Variants in SV2B observed in about 807,000 individuals in gnomAD.
SV2B encodes solute carrier family 22 member B2.
Under a neutral mutation model 73.9 loss-of-function variants are expected in SV2B, and 41 were observed. The observed-to-expected ratio is 0.56, with a 90% confidence interval of 0.43 to 0.72. The LOEUF is 0.72. Among genes scored for constraint, SV2B ranks in the 30% least tolerant of loss-of-function variants. SV2B has a pLI of 0.00. For synonymous variants in SV2B, 314 were observed against 314.2 expected (o/e 1.00, Z 0.01); for missense variants, 764 against 857.8 (o/e 0.89, Z 1.37).
At chr15:91,238,283 A>G (rs1188470890) in intron 2 of SV2B, among the ~76,000 whole-genome samples, 2 of 152,226 alleles carry the variant, frequency 1.3e-5, no homozygotes, top group Non-Finnish European at 2.9e-5. Flanking sequence ...TGTACTAGGT[A>G]TCTTACATTA....
At chr15:91,270,559 G>A (rs2048258239) in intron 9 of SV2B, among the ~76,000 whole-genome samples, 1 of 152,204 alleles carries the variant, frequency 6.6e-6, no homozygotes, top group Non-Finnish European at 1.5e-5. Flanking sequence ...CAGAGGCGCT[G>A]TTTTACATGA....
intron 1 of SV2B, among the ~76,000 whole-genome samples, chr15:91,225,249 C>T (rs897026513): frequency 5.9e-5 from 9 of 152,162 alleles, no homozygotes; most frequent in African/African-American, 2.2e-4. Context: ...ACAGAGTGGC[C>T]TTTGAACCAC....
rs953409026 is a variant in SV2B, at chr15:91,236,156, T to C, written c.451+9442T>C. 7.2e-5 allele frequency among the ~76,000 whole-genome samples: 11 copies of C among 152,260 alleles called. No homozygotes were observed. The highest frequency in any genetic ancestry group is 2.7e-4 in the African/African-American group (11 of 41,476). On this transcript the variant is annotated intron_variant, in intron 2 of 12. Transcript: ENST00000394232. The surrounding 1 kb of genome is among the most constrained non-coding windows in gnomAD (Gnocchi z 4.1). ...CATTCTGTCCACTTTGCCTGCAGAA[T>C]ATCTCCCTTGGCAATGTCACCTTCA...
intron 9 of SV2B, among the ~76,000 whole-genome samples, chr15:91,271,165 G>A (rs1229723395): frequency 6.6e-6 from 1 of 152,226 alleles, no homozygotes; most frequent in African/African-American, 2.4e-5. Context: ...TGTGGATGAT[G>A]GTTAATGAAT....
At chr15:91,162,825 G>GT (rs2043770562) in intron 1 of SV2B, among the ~76,000 whole-genome samples, 1 of 152,106 alleles carries the variant, frequency 6.6e-6, no homozygotes, top group Non-Finnish European at 1.5e-5. Context: ...CAATGTGCAG[G>GT]TTTGTTACAT....
chr15:91,132,541 C>T lies in SV2B; in HGVS notation c.-392+32178C>T, dbSNP rs1285734825. On this transcript the variant is annotated intron_variant, in intron 1 of 12. Coordinates refer to ENST00000394232, the MANE Select transcript of SV2B (RefSeq NM_001323032.3). This position sits in a 1 kb window ranked among gnomAD's most constrained non-coding sequence, Gnocchi z 4.6. ...TTCAGTCTGATTTATTGCAGACAGC[C>T]AATTTTCCATCTGCTCTGCAGAAAA... Among the ~76,000 whole-genome samples the T allele has an allele frequency of 6.6e-6, 1 of 152,210 alleles. No individual in the cohort carries two copies. Among genetic ancestry groups the T allele is most frequent in the African/African-American group, 2.4e-5 (1 of 41,452 alleles).
chr15:91,112,180 G>A (rs932946234), intron 1 of SV2B, among the ~76,000 whole-genome samples: 5 of 152,064 alleles, frequency 3.3e-5, no homozygotes, highest in African/African-American at 1.2e-4. Context: ...GGAGAAGTTT[G>A]GTGAGAAGTA....
chr15:91,149,430 A>C (rs144153151), intron 1 of SV2B, among the ~76,000 whole-genome samples: 78 of 152,332 alleles, frequency 5.1e-4, no homozygotes, highest in Non-Finnish European at 1.0e-3. Flanking sequence ...ATTGATTCTA[A>C]GTCTCAGATG....
chr15:91,120,399 A>C (rs1478633147), intron 1 of SV2B, among the ~76,000 whole-genome samples: 7 of 152,190 alleles, frequency 4.6e-5, no homozygotes, highest in Admixed American at 4.6e-4. Flanking sequence ...CCGTAATCTC[A>C]TCACCTCCCA....
chr15:91,232,911 C>T lies in SV2B; in HGVS notation c.451+6197C>T, dbSNP rs146546213. On this transcript the variant is annotated intron_variant, in intron 2 of 12. Coordinates refer to ENST00000394232, the MANE Select transcript of SV2B (RefSeq NM_001323032.3). The surrounding 1 kb of genome is among the most constrained non-coding windows in gnomAD (Gnocchi z 4.7). ...GTCTATTATTCCCATCTGTATGTCACGAATACCCAATATTTAGCGCTCGCT... is the reference window on the plus strand; with the variant it reads ...GTCTATTATTCCCATCTGTATGTCATGAATACCCAATATTTAGCGCTCGCT... Among the ~76,000 whole-genome samples the T allele has an allele frequency of 2.1e-4, 32 of 152,232 alleles. 1 individual carries two copies. The highest frequency in any genetic ancestry group is 6.3e-4 in the African/African-American group (26 of 41,552).
In SV2B at chr15:91,197,072, C is replaced by G. The variant is rs1346186045; in HGVS notation, c.-391-28801C>G. On this transcript the variant is annotated intron_variant, in intron 1 of 12. Coordinates refer to ENST00000394232, the MANE Select transcript of SV2B (RefSeq NM_001323032.3). This position sits in a 1 kb window ranked among gnomAD's most constrained non-coding sequence, Gnocchi z 4.9. ...TGTGGCAGCCTTTAGCCCATAGATGCTGATCTTTGATGTCAGAAAGACCTG... is the reference window on the plus strand; with the variant it reads ...TGTGGCAGCCTTTAGCCCATAGATGGTGATCTTTGATGTCAGAAAGACCTG... Among the ~76,000 whole-genome samples, 2 of 152,224 alleles carry G rather than the reference C, an allele frequency of 1.3e-5. No individual in the cohort carries two copies. Among genetic ancestry groups the G allele is most frequent in the Non-Finnish European group, 2.9e-5 (2 of 68,036 alleles).
chr15:91,202,192 A>AGC (rs1486691781), intron 1 of SV2B, among the ~76,000 whole-genome samples: 1 of 152,108 alleles, frequency 6.6e-6, no homozygotes, highest in Non-Finnish European at 1.5e-5. Flanking sequence ...ATTTCTGCCT[A>AGC]GCACTCATAT....
rs935105709 is a variant in SV2B at position 91,242,227 on chromosome 15, C to T, written c.452-9592C>T. On this transcript the variant is annotated intron_variant, in intron 2 of 12. Transcript: ENST00000394232. The surrounding 1 kb of genome is among the most constrained non-coding windows in gnomAD (Gnocchi z 4.9). The stretch of plus-strand genomic sequence containing the variant: ...TTGTTCTCCATCACTGGTCTCTCTT[C>T]ATATTCCTGGCCTTTAAATGTTGGA... Among the ~76,000 whole-genome samples, 1 of 152,242 alleles carries T rather than the reference C, an allele frequency of 6.6e-6. No individual in the cohort carries two copies. Among genetic ancestry groups the T allele is most frequent in the Non-Finnish European group, 1.5e-5 (1 of 68,048 alleles).
chr15:91,230,770 G>A (rs1436218196), intron 2 of SV2B, among the ~76,000 whole-genome samples: 2 of 152,196 alleles, frequency 1.3e-5, no homozygotes, highest in African/African-American at 4.8e-5. Flanking sequence ...AGGAGACAAA[G>A]TCCTGGCACT....
chr15:91,281,970 G>C lies in SV2B; in HGVS notation c.1507+109G>C. 1 of 1,277,788 alleles carries C rather than the reference G, an allele frequency of 7.8e-7. No homozygotes were observed. The highest frequency in any genetic ancestry group is 1.0e-6 in the Non-Finnish European group (1 of 958,868). The allele number at this position is 1,277,788 out of a possible 1,614,324, so 79.2% of individuals were successfully genotyped here. ...CTTTAGGAGTAGGAAAGTATTCGTAGATACAAATGCCAAGCCTTGGTGGGG... is the reference window on the plus strand; with the variant it reads ...CTTTAGGAGTAGGAAAGTATTCGTACATACAAATGCCAAGCCTTGGTGGGG... On this transcript the variant is annotated intron_variant, in intron 10 of 12. Transcript: ENST00000394232. This position sits in a 1 kb window ranked among gnomAD's most constrained non-coding sequence, Gnocchi z 4.7.
rs755172824 is a variant in SV2B at position 91,110,592 on chromosome 15, G to A, written c.-392+10229G>A. Among the ~76,000 whole-genome samples, 7 of 152,322 alleles carry A rather than the reference G, an allele frequency of 4.6e-5. No individual in the cohort carries two copies. Among genetic ancestry groups the A allele is most frequent in the African/African-American group, 7.2e-5 (3 of 41,576 alleles). ...GATCTGGGGTGCAGCAGATGGCGCC[G>A]AGGAATGGAGCCCAGCTGGCACGTG... is the stretch of plus-strand genomic sequence containing the variant. On this transcript the variant is annotated intron_variant, in intron 1 of 12. Transcript: ENST00000394232. This position sits in a 1 kb window ranked among gnomAD's most constrained non-coding sequence, Gnocchi z 5.4.
At chr15:91,196,764 A>G (rs1192847364) in intron 1 of SV2B, among the ~76,000 whole-genome samples, 1 of 152,216 alleles carries the variant, frequency 6.6e-6, no homozygotes, top group Non-Finnish European at 1.5e-5. Flanking sequence ...ATGTGCCTAC[A>G]TAGGTTTGTT....
intron 4 of SV2B, among the ~76,000 whole-genome samples, chr15:91,257,197 G>A (rs958787224): frequency 1.3e-5 from 2 of 152,084 alleles, no homozygotes; most frequent in African/African-American, 4.8e-5. Flanking sequence ...ATGTCATGGA[G>A]CTATTTCTAA....
At chr15:91,273,344 A>T (rs1476765380) in intron 9 of SV2B, among the ~76,000 whole-genome samples, 2 of 152,206 alleles carry the variant, frequency 1.3e-5, no homozygotes, top group Admixed American at 6.5e-5. Flanking sequence ...TCCACATCAG[A>T]ATGTGATAAT....
Sources: gnomAD v4.1 joint callset for allele counts (sites outside exome capture counted in the v4.1 genomes callset) on GRCh38, gnomAD v4.1.1 for gene constraint, Gnocchi (gnomAD v3.1) non-coding constraint, MANE v1.5 for transcripts, NCBI Gene and HGNC (gene_info 2026-07-23, HGNC 2026-07-21) for gene names.